Variants in SLC27A1 observed in about 807,000 individuals in gnomAD.
SLC27A1 encodes the protein solute carrier family 27 member 1.
SLC27A1 carries 61 observed loss-of-function variants against 62.2 expected under a neutral mutation model. The observed-to-expected ratio is 0.98, with a 90% confidence interval of 0.80 to 1.21. SLC27A1 has a LOEUF of 1.21. Among genes scored for constraint, SLC27A1 ranks in the 50% most tolerant of loss-of-function variants. The probability of loss-of-function intolerance (pLI) is 0.00; values close to 1 mark genes in which losing one functional copy is unlikely to be tolerated. For synonymous variants in SLC27A1, 435 were observed against 408.6 expected (o/e 1.06, Z -0.78); for missense variants, 903 against 932.1 (o/e 0.97, Z 0.41).
At chr19:17,474,374 G>A (rs1023691433) in intron 1 of SLC27A1, among the ~76,000 whole-genome samples, 6 of 152,186 alleles carry the variant, frequency 3.9e-5, no homozygotes, top group African/African-American at 1.4e-4. Context: ...CAGCGGTAGC[G>A]CAGGACATGT....
intron 1 of SLC27A1, among the ~76,000 whole-genome samples, chr19:17,485,328 T>C (rs2075218791): frequency 6.6e-6 from 1 of 150,924 alleles, no homozygotes; most frequent in Admixed American, 6.6e-5. Context: ...TAGCTGGGAT[T>C]ACAGGCGCCC....
rs746340440 is a variant in SLC27A1, at chr19:17,488,871, G to A, written c.818G>A (p.Gly273Asp). 1 of 1,613,894 alleles carries A rather than the reference G, an allele frequency of 6.2e-7. No homozygotes were observed. Among genetic ancestry groups the A allele is most frequent in the Admixed American group, 1.7e-5 (1 of 59,988 alleles). The change falls in exon 5 of 12, where the codon GGC (glycine) becomes GAC (aspartate). Residue 273 changes from glycine to aspartate, a missense_variant. Transcript: ENST00000252595. The part of the protein sequence containing the change: ...HSRYYRMAAF[G>D]HHAYRMQAAD... ...AGGTACTACCGCATGGCAGCCTTCG[G>A]CCACCACGCCTACCGCATGCAGGCG...
At chr19:17,487,411 C>T (rs2075247319) in intron 3 of SLC27A1, 49 bp from the exon 4 acceptor site, 1 of 1,537,652 alleles carries the variant, frequency 6.5e-7, no homozygotes, top group Non-Finnish European at 8.8e-7. Context: ...CTTCCAGGCC[C>T]CACCCCCCAA....
At chr19:17,470,918 CTT>C (rs1240864486) in intron 1 of SLC27A1, among the ~76,000 whole-genome samples, 1 of 148,524 alleles carries the variant, frequency 6.7e-6, no homozygotes, top group African/African-American at 2.5e-5. Flanking sequence ...ACAGGGGACA[CTT>C]TAAGGATTTC....
chr19:17,482,694 C>T (rs994258828), intron 1 of SLC27A1, among the ~76,000 whole-genome samples: 29 of 143,178 alleles, frequency 2.0e-4, no homozygotes, highest in Non-Finnish European at 3.3e-4. Flanking sequence ...GAGAATGGAG[C>T]GGGAGGAGGG....
chr19:17,473,723 G>A (rs950622292), intron 1 of SLC27A1, among the ~76,000 whole-genome samples: 4 of 152,128 alleles, frequency 2.6e-5, no homozygotes, highest in South Asian at 2.1e-4. Flanking sequence ...TTAGCCGGGC[G>A]TGGTGGTGCA....
At chr19:17,477,902 T>A (rs1157717960) in intron 1 of SLC27A1, among the ~76,000 whole-genome samples, 1 of 151,824 alleles carries the variant, frequency 6.6e-6, no homozygotes, top group Non-Finnish European at 1.5e-5. Flanking sequence ...AACATAGAGA[T>A]GAGGTCTCAC....
At chr19:17,488,723 G>GC (rs2075263062) in intron 4 of SLC27A1, 125 bp from the exon 5 acceptor site, 3 of 757,186 alleles carry the variant, frequency 4.0e-6, no homozygotes, top group African/African-American at 1.7e-5. Context: ...CTTCCTGCCA[G>GC]CCTGTGAACT....
intron 3 of SLC27A1, 39 bp downstream of exon 3, chr19:17,487,374 T>C (rs1331617150): frequency 1.3e-6 from 2 of 1,567,820 alleles, no homozygotes; most frequent in Non-Finnish European, 1.7e-6. Context: ...TCAACTGGTT[T>C]CCTACCCGCC....
Position 17,487,214 on chromosome 19 carries a change from C to T in SLC27A1, c.603C>T (p.Ile201=). The change falls in exon 3 of 12, where the codon ATC becomes ATT. Residue 201 remains isoleucine (I), a synonymous_variant. Coordinates refer to ENST00000252595, the MANE Select transcript of SLC27A1 (RefSeq NM_198580.3). ...EVSGHLGKSL[I]KFCSGDLGPE... is the part of the protein sequence containing the mutation. ...GCGGGCATCTGGGGAAAAGTTTGATCAAGTTCTGCTCTGGAGACTTGGGGC... is the reference window on the plus strand; with the variant it reads ...GCGGGCATCTGGGGAAAAGTTTGATTAAGTTCTGCTCTGGAGACTTGGGGC... The T allele has an allele frequency of 1.2e-6, 2 of 1,614,090 alleles. No homozygotes were observed. The highest frequency in any genetic ancestry group is 8.5e-7 in the Non-Finnish European group (1 of 1,179,994).
chr19:17,471,434 A>AG (rs1279888185), intron 1 of SLC27A1, among the ~76,000 whole-genome samples: 1 of 151,660 alleles, frequency 6.6e-6, no homozygotes, highest in Non-Finnish European at 1.5e-5. Context: ...GATTCATGCT[A>AG]GGGGGGCAGA....
chr19:17,500,089 A>T (rs2075392618), intron 7 of SLC27A1, 189 bp from the exon 8 acceptor site: 1 of 816,990 alleles, frequency 1.2e-6, no homozygotes, highest in South Asian at 1.8e-5. Flanking sequence ...CAGGCTGGGA[A>T]GGTGGGAGGA....
At chr19:17,493,589 C>A (rs2075318304) in intron 6 of SLC27A1, among the ~76,000 whole-genome samples, 1 of 151,768 alleles carries the variant, frequency 6.6e-6, no homozygotes, top group African/African-American at 2.4e-5. Context: ...GCAGTCTAGC[C>A]ATTCTCATGG....
intron 1 of SLC27A1, 124 bp downstream of exon 1, chr19:17,470,831 T>TG (rs1287173929): frequency 4.8e-5 from 1 of 20,648 alleles, no homozygotes; most frequent in Non-Finnish European, 5.9e-5. Flanking sequence ...CTTTGTAGGT[T>TG]GGGGGCGGGG....
chr19:17,488,810 C>T (rs753821201), intron 4 of SLC27A1, 38 bp from the exon 5 acceptor site: 5 of 1,587,448 alleles, frequency 3.1e-6, no homozygotes, highest in Non-Finnish European at 3.4e-6. Context: ...GGATTTAGGT[C>T]CCAGCCTCTG....
intron 1 of SLC27A1, among the ~76,000 whole-genome samples, chr19:17,483,467 G>A (rs976654054): frequency 1.3e-5 from 2 of 152,094 alleles, no homozygotes; most frequent in African/African-American, 4.8e-5. Context: ...GGTCATGGTG[G>A]GTAGGGAAGT....
chr19:17,478,585 C>T (rs1054502322), intron 1 of SLC27A1, among the ~76,000 whole-genome samples: 1 of 151,398 alleles, frequency 6.6e-6, no homozygotes, highest in African/African-American at 2.4e-5. Context: ...GGGCCAGATG[C>T]GGTAGCTCAC....
chr19:17,486,748 A>G lies in SLC27A1; in HGVS notation c.353A>G (p.Asn118Ser), dbSNP rs746219509. 45 of 1,610,000 alleles carry G rather than the reference A, an allele frequency of 2.8e-5. No individual in the cohort carries two copies. Among genetic ancestry groups the G allele is most frequent in the Non-Finnish European group, 3.6e-5 (43 of 1,178,116 alleles). Reference protein sequence around the residue: ...QLDAYSNAVANLFRQLGFAPG... With the variant: ...QLDAYSNAVASLFRQLGFAPG... ...GACGCCTACTCCAATGCGGTAGCCA[A>G]CCTCTTCCGCCAGCTGGGCTTCGCG... Residue 118 changes from asparagine to serine, a missense_variant, in exon 2 of 12, where the codon AAC becomes AGC. Coordinates refer to ENST00000252595, the MANE Select transcript of SLC27A1 (RefSeq NM_198580.3). The surrounding 1 kb of genome is among the most constrained non-coding windows in gnomAD (Gnocchi z 6.6).
In SLC27A1 at chr19:17,504,990, T is replaced by C. The variant is rs186622801; in HGVS notation, c.*378T>C. 3.4e-4 allele frequency: 131 copies of C among 388,130 alleles called. 1 individual carries two copies. Among genetic ancestry groups the C allele is most frequent in the African/African-American group, 2.7e-3 (126 of 47,422 alleles). 24.0% of individuals were successfully genotyped at this position (388,130 alleles called of 1,614,324 possible). On this transcript the variant is annotated 3_prime_UTR_variant, in exon 12 of 12. Transcript: ENST00000252595. ...TCACTGCAACCTCTGCCTCCTGGGG[T>C]TCAAGTGATCCTCCCACCTCAGCCT... is the stretch of plus-strand genomic sequence containing the variant.
Sources: gnomAD v4.1 joint callset for allele counts (sites outside exome capture counted in the v4.1 genomes callset) on GRCh38, gnomAD v4.1.1 for gene constraint, Gnocchi (gnomAD v3.1) non-coding constraint, MANE v1.5 for transcripts, NCBI Gene and HGNC (gene_info 2026-07-23, HGNC 2026-07-21) for gene names.